The following ATP13A1 variants were observed in gnomAD, a reference collection of about 807,000 sequenced individuals.
ATP13A1 encodes ATPase 13A1, also known as endoplasmic reticulum transmembrane helix translocase.
A neutral mutation model predicts 134.8 loss-of-function variants in ATP13A1; 55 were observed. The observed-to-expected ratio is 0.41, with a 90% CI of 0.33 to 0.51. The LOEUF (loss-of-function observed/expected upper bound fraction) is 0.51. Among genes scored for constraint, ATP13A1 ranks in the 20% least tolerant of loss-of-function variants. The probability of loss-of-function intolerance (pLI) is 0.29; values close to 1 mark genes in which losing one functional copy is unlikely to be tolerated. For missense variants in ATP13A1, 1,389 were observed against 1,652.8 expected, an observed-to-expected ratio of 0.84 and a Z score of 2.77; for synonymous variants, 775 against 725.1, an observed-to-expected ratio of 1.07 and a Z score of -1.10.
rs2061985465 is a variant in ATP13A1, at chr19:19,646,326, C to T, written c.3127G>A (p.Glu1043Lys). Reference protein sequence around the residue: ...RSKPLKTLSRERPLPNIFNLY... With the variant: ...RSKPLKTLSRKRPLPNIFNLY... The stretch of plus-strand genomic sequence containing the variant: ...TTGAAGATGTTGGGCAGGGGCCGTT[C>T]TCGGGAGAGGGTCTTGAGGGGCTGC... Residue 1043 changes from glutamate (E) to lysine (K), a missense_variant, in exon 23 of 26, where the codon GAA (glutamate) becomes AAA (lysine). Physicochemically the swap from Glu to Lys is moderately conservative, Grantham distance 56 (BLOSUM62 1). Coordinates refer to ENST00000357324, the MANE Select transcript of ATP13A1 (RefSeq NM_020410.3). 6.2e-7 allele frequency: 1 copy of T among 1,613,786 alleles called. No homozygotes were observed. Among genetic ancestry groups the T allele is most frequent in the South Asian group, 1.1e-5 (1 of 91,084 alleles).
chr19:19,660,383 G>A (rs946936072), intron 1 of ATP13A1: 1 of 196,390 alleles, frequency 5.1e-6, no homozygotes, highest in Non-Finnish European at 1.0e-5. Context: ...TTAGGAGGCT[G>A]AGGCAGGAGA....
At position 19,654,638 on chromosome 19, in the gene ATP13A1, G is replaced by A; in HGVS notation, c.1718C>T (p.Ser573Leu). The change falls in exon 13 of 26, where the codon TCG becomes TTG. Residue 573 changes from serine to leucine, a missense_variant. Physicochemically the swap from Ser to Leu is moderately radical, Grantham distance 145. Coordinates refer to ENST00000357324, the MANE Select transcript of ATP13A1 (RefSeq NM_020410.3). The stretch of plus-strand genomic sequence containing the variant: ...GTCCAGCTGCATGAGCGAGTGGCAC[G>A]AGGCCAGGGCCCGGTGTGTTTCTAC... ...IPVETHRALASCHSLMQLDDG... is the reference protein window; with the variant it reads ...IPVETHRALALCHSLMQLDDG... 6.2e-7 allele frequency: 1 copy of A among 1,613,634 alleles called. No homozygotes were observed. Among genetic ancestry groups the A allele is most frequent in the Non-Finnish European group, 8.5e-7 (1 of 1,179,866 alleles).
intron 1 of ATP13A1, chr19:19,662,987 G>A: frequency 1.7e-6 from 1 of 593,928 alleles, no homozygotes; most frequent in South Asian, 1.8e-5. Context: ...GGCGACGTAT[G>A]CTGGGCCCTG....
chr19:19,658,714 T>C (rs777201708), intron 3 of ATP13A1, among the ~76,000 whole-genome samples: 4 of 152,276 alleles, frequency 2.6e-5, no homozygotes, highest in Non-Finnish European at 4.4e-5. Context: ...GCACCGCACA[T>C]TGGCCATTGT....
intron 19 of ATP13A1, 137 bp downstream of exon 19, chr19:19,649,430 C>A: frequency 2.2e-6 from 2 of 924,028 alleles, no homozygotes; most frequent in Non-Finnish European, 3.4e-6. Context: ...AAGCCCCTGA[C>A]CTTGCCACCC....
rs2062037845 is a variant in ATP13A1 at position 19,653,543 on chromosome 19, C to T, written c.2100+241G>A. The T allele has an allele frequency of 1.8e-6, 1 of 569,056 alleles. No homozygotes were observed. Among genetic ancestry groups the T allele is most frequent in the Non-Finnish European group, 3.1e-6 (1 of 322,320 alleles). The allele number at this position is 569,056 out of a possible 1,614,324, so 35.3% of individuals were successfully genotyped here. ...CAGGGCAAAAGAGTAGAGCTAGGGA[C>T]ACACCAGGACTGGGGCAGGTAAGCC... On this transcript the variant is annotated intron_variant, in intron 15 of 25. Coordinates refer to ENST00000357324, the MANE Select transcript of ATP13A1 (RefSeq NM_020410.3). This position sits in a 1 kb window ranked among gnomAD's most constrained non-coding sequence, Gnocchi z 4.2.
intron 22 of ATP13A1, 172 bp from the exon 23 acceptor site, chr19:19,646,519 C>T: frequency 1.3e-6 from 1 of 795,394 alleles, no homozygotes; most frequent in South Asian, 1.8e-5. Context: ...GCCTGCCTCT[C>T]ACCCCTGAGC....
intron 1 of ATP13A1, chr19:19,662,168 G>C: frequency 1.3e-6 from 2 of 1,551,210 alleles, no homozygotes; most frequent in Non-Finnish European, 1.7e-6. Flanking sequence ...TCAAAAGGCA[G>C]CTGAAGTTTG....
intron 17 of ATP13A1, chr19:19,650,765 C>T (rs987303872): frequency 6.6e-6 from 1 of 152,632 alleles, no homozygotes; most frequent in African/African-American, 2.4e-5. Flanking sequence ...CTGGCCCAGA[C>T]CTGTGAATGT....
Position 19,655,059 on chromosome 19 carries a change from C to A in ATP13A1, c.1655+60G>T. On this transcript the variant is annotated intron_variant, in intron 12 of 25. Transcript: ENST00000357324. The surrounding 1 kb of genome is among the most constrained non-coding windows in gnomAD (Gnocchi z 5.7). ...GGCTTGGGGTGGATGGGCCACCTGT[C>A]TCTCGACTTCCCAGAAACCCCATCT... The A allele has an allele frequency of 6.3e-7, 1 of 1,599,800 alleles. No individual in the cohort carries two copies. Among genetic ancestry groups the A allele is most frequent in the African/African-American group, 1.3e-5 (1 of 74,810 alleles).
At position 19,655,755 on chromosome 19, in the gene ATP13A1, C is replaced by T. The variant is rs1160701317; in HGVS notation, c.1270-101G>A. On this transcript the variant is annotated intron_variant, in intron 9 of 25. Coordinates refer to ENST00000357324, the MANE Select transcript of ATP13A1 (RefSeq NM_020410.3). The surrounding 1 kb of genome is among the most constrained non-coding windows in gnomAD (Gnocchi z 5.7). ...TCTTGGGGTGGCCTCTGCACCCTGG[C>T]CCAGGTCCAGGGCCGTGCTGCCAGA... 3.3e-6 allele frequency: 5 copies of T among 1,537,940 alleles called. No individual in the cohort carries two copies. In the Admixed American group the frequency reaches 7.8e-5, roughly 24 times the overall value.
rs2062010678 is a variant in ATP13A1 at position 19,649,567 on chromosome 19, C to T, written c.2632G>A (p.Gly878Ser). Reference protein sequence around the residue: ...DVGALKHADVGVALLANAPER... With the variant: ...DVGALKHADVSVALLANAPER... ...AAATACCCTAGCCCACAGCACTCAC[C>T]CACGTCAGCATGCTTCAGGGCGCCC... The change falls in exon 19 of 26, where the codon GGT (glycine) becomes AGT (serine). Residue 878 changes from glycine (G) to serine (S), a missense_variant and splice_region_variant. Physicochemically the swap from Gly to Ser is moderately conservative, Grantham distance 56. Around this residue, in one of 4 missense-constraint regions of ATP13A1, gnomAD observed 747 missense variants for 956.1 expected, o/e 0.78. Transcript: ENST00000357324. 6.2e-7 allele frequency: 1 copy of T among 1,613,128 alleles called. No homozygotes were observed. Among genetic ancestry groups the T allele is most frequent in the African/African-American group, 1.3e-5 (1 of 74,906 alleles).
chr19:19,660,256 C>A (rs908026175), intron 1 of ATP13A1, among the ~76,000 whole-genome samples: 4 of 152,056 alleles, frequency 2.6e-5, no homozygotes, highest in Admixed American at 6.6e-5. Flanking sequence ...CCAAGGTGGG[C>A]GGATCACTTG....
chr19:19,660,948 A>T (rs2062090676), intron 1 of ATP13A1, among the ~76,000 whole-genome samples: 1 of 151,708 alleles, frequency 6.6e-6, no homozygotes, highest in Non-Finnish European at 1.5e-5. Context: ...GCATAGTGGC[A>T]GGCACCTGTA....
Position 19,653,909 on chromosome 19 carries a change from G to C in ATP13A1, c.1990-15C>G. On this transcript the variant is annotated splice_polypyrimidine_tract_variant and intron_variant, in intron 14 of 25. Transcript: ENST00000357324. This position sits in a 1 kb window ranked among gnomAD's most constrained non-coding sequence, Gnocchi z 4.2. ...CACTGGGAGAACTGCAGGGAATGCA[G>C]GGGGATGTCACGGGCTGCCCCGCGC... 1 of 1,568,004 alleles carries C rather than the reference G, an allele frequency of 6.4e-7. No individual in the cohort carries two copies. Among genetic ancestry groups the C allele is most frequent in the Non-Finnish European group, 8.6e-7 (1 of 1,157,130 alleles).
chr19:19,648,604 T>C (rs763699135), intron 19 of ATP13A1, among the ~76,000 whole-genome samples: 2 of 149,466 alleles, frequency 1.3e-5, no homozygotes, highest in Non-Finnish European at 3.0e-5. Flanking sequence ...AAGTCAGGAG[T>C]TGGAGACCAG....
Position 19,645,257 on chromosome 19 carries a change from C to A in ATP13A1, c.*165G>T. The stretch of plus-strand genomic sequence containing the variant: ...AGGTGCTGGCTTGGGGCTGGTTCTG[C>A]TGGCCAAGCCAGCGGATGGCTGTGG... On this transcript the variant is annotated 3_prime_UTR_variant, in exon 26 of 26. Transcript: ENST00000357324. The surrounding 1 kb of genome is among the most constrained non-coding windows in gnomAD (Gnocchi z 4.1). The A allele has an allele frequency of 1.3e-6, 1 of 754,000 alleles. No homozygotes were observed. Among genetic ancestry groups the A allele is most frequent in the Non-Finnish European group, 2.2e-6 (1 of 464,964 alleles). The allele number at this position is 754,000 out of a possible 1,614,324, so 46.7% of individuals were successfully genotyped here.
rs2144896751 is a variant in ATP13A1 at position 19,647,302 on chromosome 19, G to C, written c.2932C>G (p.Arg978Gly). 1 of 1,613,182 alleles carries C rather than the reference G, an allele frequency of 6.2e-7. No homozygotes were observed. The part of the protein sequence containing the change: ...QCICHVIKQG[R>G]CTLVTTLQMF... Reference sequence around the variant, plus strand: ...TGTAGCGTGGTCACCAGCGTGCAGCGGCCCTGCTTGATCACGTGGCAGACT... The same window carrying C: ...TGTAGCGTGGTCACCAGCGTGCAGCCGCCCTGCTTGATCACGTGGCAGACT... The change falls in exon 22 of 26, where the codon CGC becomes GGC. Residue 978 changes from arginine to glycine, a missense_variant. Around this residue, in one of 4 missense-constraint regions of ATP13A1, gnomAD observed 228 missense variants for 321.0 expected, o/e 0.71. Coordinates refer to ENST00000357324, the MANE Select transcript of ATP13A1 (RefSeq NM_020410.3). This position sits in a 1 kb window ranked among gnomAD's most constrained non-coding sequence, Gnocchi z 4.8.
At position 19,647,312 on chromosome 19, in the gene ATP13A1, G is replaced by C; in HGVS notation, c.2922C>G (p.Ile974Met). The C allele has an allele frequency of 6.2e-7, 1 of 1,612,426 alleles. No individual in the cohort carries two copies. The highest frequency in any genetic ancestry group is 8.5e-7 in the Non-Finnish European group (1 of 1,179,452). ...LSSIQCICHVIKQGRCTLVTT... is the reference protein window; with the variant it reads ...LSSIQCICHVMKQGRCTLVTT... Reference sequence around the variant, plus strand: ...TCACCAGCGTGCAGCGGCCCTGCTTGATCACGTGGCAGACTGCAGGGTGGT... The same window carrying C: ...TCACCAGCGTGCAGCGGCCCTGCTTCATCACGTGGCAGACTGCAGGGTGGT... The change falls in exon 22 of 26, where the codon ATC becomes ATG. Residue 974 changes from isoleucine to methionine, a missense_variant. Ile to Met is a conservative substitution (Grantham distance 10). Around this residue, in one of 4 missense-constraint regions of ATP13A1, gnomAD observed 228 missense variants for 321.0 expected, o/e 0.71. Coordinates refer to ENST00000357324, the MANE Select transcript of ATP13A1 (RefSeq NM_020410.3). This position sits in a 1 kb window ranked among gnomAD's most constrained non-coding sequence, Gnocchi z 4.8.
Sources: gnomAD v4.1 joint callset for allele counts (sites outside exome capture counted in the v4.1 genomes callset) on GRCh38, gnomAD v4.1.1 for gene constraint, gnomAD v4.1.1 regional missense constraint, Gnocchi (gnomAD v3.1) non-coding constraint, MANE v1.5 for transcripts, NCBI Gene and HGNC (gene_info 2026-07-23, HGNC 2026-07-21) for gene names.